Variants in GAN observed in about 807,000 individuals in gnomAD.
GAN encodes the protein epididymis secretory sperm binding protein.
A neutral mutation model predicts 71.3 loss-of-function variants in GAN; 48 were observed. The observed-to-expected ratio is 0.67, with a 90% CI of 0.53 to 0.86. The LOEUF is 0.86. Ranked by LOEUF, GAN falls within the 40% of genes least tolerant of loss-of-function variation. The pLI is 0.00. For synonymous variants in GAN, 386 were observed against 276.8 expected (o/e 1.39, Z -3.92); for missense variants, 928 against 770.1 (o/e 1.21, Z -2.43).
In GAN at chr16:81,384,265, A is replaced by T. The variant is rs944158140; in HGVS notation, c.*6669A>T. On this transcript the variant is annotated 3_prime_UTR_variant, in exon 11 of 11. Coordinates refer to ENST00000648994, the MANE Select transcript of GAN (RefSeq NM_022041.4). ...CAGGCAGTCAGAGGCCTTGAGGAATACAATTCTCTAAGGCCTGTTTTCCAT... is the reference window on the plus strand; with the variant it reads ...CAGGCAGTCAGAGGCCTTGAGGAATTCAATTCTCTAAGGCCTGTTTTCCAT... 1.3e-4 allele frequency: 19 copies of T among 151,726 alleles called. No homozygotes were observed. Among genetic ancestry groups the T allele is most frequent in the Non-Finnish European group, 2.4e-4 (16 of 67,922 alleles). The allele number at this position is 151,726 out of a possible 1,614,324, so 9.4% of individuals were successfully genotyped here.
chr16:81,367,843 C>A (rs12932319), intron 9 of GAN, among the ~76,000 whole-genome samples: 87,764 of 152,008 alleles, frequency 0.58, 25,512 homozygotes, highest in East Asian at 0.74. Context: ...GCGTTCTGGC[C>A]CCAGAGTCCA....
In GAN at chr16:81,354,597, A is replaced by G. The variant is rs1350345456; in HGVS notation, c.475A>G (p.Thr159Ala). ...TTACCTTGCCACAGAATACCTGGAGACTCATTTCCGAGACGTCAGCAGCAC... is the reference window on the plus strand; with the variant it reads ...TTACCTTGCCACAGAATACCTGGAGGCTCATTTCCGAGACGTCAGCAGCAC... ...VHYLATEYLETHFRDVSSTEE... is the reference protein window; with the variant it reads ...VHYLATEYLEAHFRDVSSTEE... Residue 159 changes from threonine (T) to alanine (A), a missense_variant, in exon 3 of 11, where the codon ACT becomes GCT. By Grantham distance (58) the Thr-to-Ala change is moderately conservative. Coordinates refer to ENST00000648994, the MANE Select transcript of GAN (RefSeq NM_022041.4). 6.2e-7 allele frequency: 1 copy of G among 1,614,030 alleles called. No individual in the cohort carries two copies.
chr16:81,351,407 T>C (rs527429003), intron 1 of GAN, among the ~76,000 whole-genome samples, 176 bp from the exon 2 acceptor site: 1 of 152,348 alleles, frequency 6.6e-6, no homozygotes, highest in African/African-American at 2.4e-5. Context: ...CTGGGACCAA[T>C]GTTTTGTAGT....
At chr16:81,370,613 G>A (rs192079046) in intron 9 of GAN, among the ~76,000 whole-genome samples, 7 of 152,358 alleles carry the variant, frequency 4.6e-5, no homozygotes, top group Admixed American at 1.3e-4. Context: ...TGCTGAGGCC[G>A]CTGGAGAGTG....
At position 81,384,396 on chromosome 16, in the gene GAN, A is replaced by C. The variant is rs1476379744; in HGVS notation, c.*6800A>C. On this transcript the variant is annotated 3_prime_UTR_variant, in exon 11 of 11. Transcript: ENST00000648994. ...CTGCAAACTGATTACTTGAAACTCA[A>C]CTTGAACTTTAAAGAGTCTTTAAAA... The C allele has an allele frequency of 6.6e-6, 1 of 152,104 alleles. No homozygotes were observed. Among genetic ancestry groups the C allele is most frequent in the Admixed American group, 6.6e-5 (1 of 15,218 alleles). The allele number at this position is 152,104 out of a possible 1,614,324, so 9.4% of individuals were successfully genotyped here. A position where few individuals can be genotyped will look rare whatever the true frequency, so the allele number is the denominator to read the frequency against.
Position 81,385,720 on chromosome 16 carries a change from G to A in GAN, c.*8124G>A, listed in dbSNP as rs1904380519. 1 of 151,560 alleles carries A rather than the reference G, an allele frequency of 6.6e-6. No homozygotes were observed. The highest frequency in any genetic ancestry group is 1.5e-5 in the Non-Finnish European group (1 of 67,994). The allele number at this position is 151,560 out of a possible 1,614,324, so 9.4% of individuals were successfully genotyped here. ...AGCTTTCCACATTCTCACGTCTGCT[G>A]CCACATGATATACAAGTAAATGTAT... On this transcript the variant is annotated 3_prime_UTR_variant, in exon 11 of 11. Coordinates refer to ENST00000648994, the MANE Select transcript of GAN (RefSeq NM_022041.4).
chr16:81,323,802 C>A (rs1457954979), intron 1 of GAN, among the ~76,000 whole-genome samples: 4 of 152,136 alleles, frequency 2.6e-5, no homozygotes, highest in African/African-American at 4.8e-5. Context: ...CAGAGGATTG[C>A]GCCCTCCAGG....
rs575386909 is a variant in GAN at position 81,380,934 on chromosome 16, A to G, written c.*3338A>G. The G allele has an allele frequency of 6.6e-6, 1 of 152,216 alleles. No individual in the cohort carries two copies. Among genetic ancestry groups the G allele is most frequent in the African/African-American group, 2.4e-5 (1 of 41,472 alleles). The allele number at this position is 152,216 out of a possible 1,614,324, so 9.4% of individuals were successfully genotyped here. The stretch of plus-strand genomic sequence containing the variant: ...TAACTGTAGGCTTTTTTCAAACTGT[A>G]TAACAACCAAAAAGGAGCATTTGGG... On this transcript the variant is annotated 3_prime_UTR_variant, in exon 11 of 11. Transcript: ENST00000648994.
At position 81,377,397 on chromosome 16, in the gene GAN, C is replaced by G; in HGVS notation, c.1613-18C>G. Reference sequence around the variant, plus strand: ...TTCTGGGTACATTTTCTCACCCTTGCTTATTTCTGTGGCTTAGGTACCAAT... The same window carrying G: ...TTCTGGGTACATTTTCTCACCCTTGGTTATTTCTGTGGCTTAGGTACCAAT... On this transcript the variant is annotated intron_variant, in intron 10 of 10. Transcript: ENST00000648994. 1.2e-6 allele frequency: 2 copies of G among 1,612,138 alleles called. No homozygotes were observed. The highest frequency in any genetic ancestry group is 1.7e-6 in the Non-Finnish European group (2 of 1,178,180).
chr16:81,381,932 A>T lies in GAN; in HGVS notation c.*4336A>T, dbSNP rs1013046711. On this transcript the variant is annotated 3_prime_UTR_variant, in exon 11 of 11. Coordinates refer to ENST00000648994, the MANE Select transcript of GAN (RefSeq NM_022041.4). ...AGCTGAAACTAGTATAGCATAAACAATGCCAAGTGCCTGATGTACATGATG... is the reference window on the plus strand; with the variant it reads ...AGCTGAAACTAGTATAGCATAAACATTGCCAAGTGCCTGATGTACATGATG... 6.6e-6 allele frequency: 1 copy of T among 152,140 alleles called. No individual in the cohort carries two copies. The highest frequency in any genetic ancestry group is 2.4e-5 in the African/African-American group (1 of 41,428). The allele number at this position is 152,140 out of a possible 1,614,324, so 9.4% of individuals were successfully genotyped here.
rs191018402 is a variant in GAN at position 81,354,983 on chromosome 16, G to A, written c.633+228G>A. ...GTGAAAATATTAGCCCTTGTAAGGA[G>A]CGTAATATCCTTTGTATGTTGTTTT... On this transcript the variant is annotated intron_variant, in intron 3 of 10. Coordinates refer to ENST00000648994, the MANE Select transcript of GAN (RefSeq NM_022041.4). Among the ~76,000 whole-genome samples the A allele has an allele frequency of 8.7e-4, 133 of 152,316 alleles. 1 individual carries two copies. The highest frequency in any genetic ancestry group is 4.4e-5 in the Non-Finnish European group (3 of 68,036).
In GAN at chr16:81,363,877, C is replaced by A. The variant is rs761777220; in HGVS notation, c.1170C>A (p.Ser390=). Residue 390 remains serine (S), a synonymous_variant, in exon 7 of 11, where the codon TCC becomes TCA. Coordinates refer to ENST00000648994, the MANE Select transcript of GAN (RefSeq NM_022041.4). ...AGGATGGTGAAAAGGAGCTGATTTC[C>A]ATGGAGTGTTACGATATTTATTCTA... ...GGEDGEKELI[S]MECYDIYSKT... 7 of 1,611,912 alleles carry A rather than the reference C, an allele frequency of 4.3e-6. No homozygotes were observed. The African/African-American group carries it at 6.7e-5, about 15-fold the overall frequency.
rs1271071388 is a variant in GAN at position 81,386,970 on chromosome 16, A to C, written c.*9374A>C. 6.6e-6 allele frequency: 1 copy of C among 152,298 alleles called. No individual in the cohort carries two copies. Among genetic ancestry groups the C allele is most frequent in the Non-Finnish European group, 1.5e-5 (1 of 68,088 alleles). 9.4% of individuals were successfully genotyped at this position (152,298 alleles called of 1,614,324 possible). ...CAAAAGAAAAGAAAGAAAGGGAAGT[A>C]GAAGTAGGATTTAACAAAGGACCGA... On this transcript the variant is annotated 3_prime_UTR_variant, in exon 11 of 11. Coordinates refer to ENST00000648994, the MANE Select transcript of GAN (RefSeq NM_022041.4).
In GAN at chr16:81,332,184, A is replaced by G. The variant is rs150207809; in HGVS notation, c.167+16904A>G. Among the ~76,000 whole-genome samples the G allele has an allele frequency of 2.6e-3, 388 of 151,574 alleles. 7 individuals are homozygous for G. In the East Asian group the frequency reaches 0.061, roughly 24 times the overall value. ...CTCAAAAAAAAAAAAAAAGAAAAAG[A>G]AAAAAAAGAAGCTCATGGATGCTAG... is the stretch of plus-strand genomic sequence containing the variant. On this transcript the variant is annotated intron_variant, in intron 1 of 10. Coordinates refer to ENST00000648994, the MANE Select transcript of GAN (RefSeq NM_022041.4).
At chr16:81,359,965 C>G (rs1008258437) in intron 5 of GAN, among the ~76,000 whole-genome samples, 1 of 152,084 alleles carries the variant, frequency 6.6e-6, no homozygotes, top group African/African-American at 2.4e-5. Context: ...ACCAAAACTT[C>G]AGATAAGGGG....
intron 9 of GAN, among the ~76,000 whole-genome samples, chr16:81,374,793 C>T (rs1358087982): frequency 6.6e-6 from 1 of 152,200 alleles, no homozygotes; most frequent in Admixed American, 6.5e-5. Flanking sequence ...GGATCAAGCA[C>T]TTCTTCATAG....
intron 9 of GAN, among the ~76,000 whole-genome samples, chr16:81,367,687 C>A (rs538629117): frequency 6.6e-6 from 1 of 152,094 alleles, no homozygotes; most frequent in Non-Finnish European, 1.5e-5. Context: ...CATATAACAC[C>A]AAATGCCATG....
At position 81,328,256 on chromosome 16, in the gene GAN, T is replaced by G. The variant is rs147789496; in HGVS notation, c.167+12976T>G. ...TCTGAACAGTATACTTAATGTATAG[T>G]TACAGTTGAAGTAGTTGAAATCTAT... On this transcript the variant is annotated intron_variant, in intron 1 of 10. Transcript: ENST00000648994. 2.2e-3 allele frequency among the ~76,000 whole-genome samples: 329 copies of G among 152,376 alleles called. 1 individual carries two copies. Among genetic ancestry groups the G allele is most frequent in the African/African-American group, 7.5e-3 (313 of 41,590 alleles).
At position 81,358,816 on chromosome 16, in the gene GAN, C is replaced by T. The variant is rs77941898; in HGVS notation, c.973+885C>T. On this transcript the variant is annotated intron_variant, in intron 5 of 10. Coordinates refer to ENST00000648994, the MANE Select transcript of GAN (RefSeq NM_022041.4). ...TGCCTTTGCTGGCTGCCTGTCTTTT[C>T]GCCGTGGTCCTGCTCCCTTGTCCAC... Among the ~76,000 whole-genome samples the T allele has an allele frequency of 8.3e-3, 1,264 of 152,276 alleles. 14 individuals are homozygous for T. Among genetic ancestry groups the T allele is most frequent in the African/African-American group, 0.029 (1,213 of 41,546 alleles).
Sources: allele counts gnomAD v4.1 joint callset (sites outside exome capture counted in the v4.1 genomes callset), GRCh38; gene constraint gnomAD v4.1.1; transcripts MANE v1.5; gene names NCBI Gene and HGNC (gene_info 2026-07-23, HGNC 2026-07-21).